The following MRC2 variants were observed in gnomAD, a reference collection of about 807,000 sequenced individuals.
The protein encoded by MRC2 is mannose receptor C-type 2, also known as C-type mannose receptor 2.
Under a neutral mutation model 206.2 loss-of-function variants are expected in MRC2, and 84 were observed. The observed-to-expected ratio is 0.41, with a 90% confidence interval of 0.34 to 0.49. The LOEUF is 0.49. Among genes scored for constraint, MRC2 ranks in the 20% least tolerant of loss-of-function variants. The pLI is 0.31. For synonymous variants in MRC2, 798 were observed against 800.0 expected, an observed-to-expected ratio of 1.00 and a Z score of 0.04; for missense variants, 1,676 against 2,001.5, an observed-to-expected ratio of 0.84 and a Z score of 3.10.
At chr17:62,679,655 G>A (rs767825382) in intron 13 of MRC2, 145 bp from the exon 14 acceptor site, 3 of 657,574 alleles carry the variant, frequency 4.6e-6, no homozygotes, top group Admixed American at 2.8e-5. Flanking sequence ...ACGCTGTATC[G>A]ATGGGTCAAT....
chr17:62,665,969 C>T, intron 2 of MRC2, 125 bp from the exon 3 acceptor site: 1 of 1,014,832 alleles, frequency 9.9e-7, no homozygotes, highest in South Asian at 1.7e-5. Context: ...ATTGCCTCTC[C>T]CACCTGCTGA....
intron 23 of MRC2, among the ~76,000 whole-genome samples, 191 bp downstream of exon 23, chr17:62,689,151 T>C (rs1180872997): frequency 1.3e-5 from 2 of 151,736 alleles, no homozygotes; most frequent in Non-Finnish European, 2.9e-5. Context: ...GGAGGAAGAT[T>C]TGGGGGTATG....
intron 1 of MRC2, among the ~76,000 whole-genome samples, chr17:62,634,479 T>G (rs947209266): frequency 6.6e-6 from 1 of 152,160 alleles, no homozygotes; most frequent in Non-Finnish European, 1.5e-5. Flanking sequence ...GTTTGTACTT[T>G]TAGTAGAGAT....
At chr17:62,655,755 A>G (rs1364956617) in intron 1 of MRC2, among the ~76,000 whole-genome samples, 1 of 151,974 alleles carries the variant, frequency 6.6e-6, no homozygotes, top group Non-Finnish European at 1.5e-5. Flanking sequence ...GAAAAGAAAA[A>G]AAGAAAGAAA....
At chr17:62,649,630 G>C (rs1185363462) in intron 1 of MRC2, among the ~76,000 whole-genome samples, 2 of 152,094 alleles carry the variant, frequency 1.3e-5, no homozygotes, top group Non-Finnish European at 2.9e-5. Context: ...CCAAACAAGT[G>C]ATCTTTGAAT....
rs1206021185 is a variant in MRC2 at position 62,664,028 on chromosome 17, C to T, written c.119-520C>T. Among the ~76,000 whole-genome samples, 9 of 145,292 alleles carry T rather than the reference C, an allele frequency of 6.2e-5. No homozygotes were observed. In the East Asian group the frequency reaches 1.0e-3, roughly 16 times the overall value. On this transcript the variant is annotated intron_variant, in intron 1 of 29. Coordinates refer to ENST00000303375, the MANE Select transcript of MRC2 (RefSeq NM_006039.5). This position sits in a 1 kb window ranked among gnomAD's most constrained non-coding sequence, Gnocchi z 4.7. ...AGGCTGGAGTGCAGTGGCGGGATCT[C>T]GGCTCACTGCAAGCTCCGCCTCCCG... is the stretch of plus-strand genomic sequence containing the variant.
intron 1 of MRC2, among the ~76,000 whole-genome samples, chr17:62,630,185 C>T (rs369936553): frequency 5.3e-5 from 8 of 152,134 alleles, no homozygotes; most frequent in Admixed American, 1.3e-4. Flanking sequence ...GAGAATGAAA[C>T]GTGGAACAGT....
At chr17:62,674,610 G>C (rs1481695191) in intron 9 of MRC2, among the ~76,000 whole-genome samples, 1 of 152,180 alleles carries the variant, frequency 6.6e-6, no homozygotes, top group Non-Finnish European at 1.5e-5. Flanking sequence ...GTCTCCCCTG[G>C]AGGAGTGAGG....
At chr17:62,660,712 A>G (rs1226148933) in intron 1 of MRC2, among the ~76,000 whole-genome samples, 1 of 152,222 alleles carries the variant, frequency 6.6e-6, no homozygotes, top group Non-Finnish European at 1.5e-5. Context: ...AAAATCCAGC[A>G]TTCTTTAGAG....
chr17:62,691,316 C>G (rs954941447), intron 28 of MRC2, among the ~76,000 whole-genome samples, 188 bp downstream of exon 28: 1 of 152,200 alleles, frequency 6.6e-6, no homozygotes, highest in Non-Finnish European at 1.5e-5. Flanking sequence ...TGAAACTTAT[C>G]ATCCAAACTA....
intron 1 of MRC2, among the ~76,000 whole-genome samples, chr17:62,632,797 C>G (rs534706105): frequency 1.2e-4 from 19 of 152,302 alleles, no homozygotes; most frequent in Non-Finnish European, 2.6e-4. Context: ...TTATCTCCTT[C>G]CCAGGGATCA....
At chr17:62,628,459 T>C (rs2084188625) in intron 1 of MRC2, among the ~76,000 whole-genome samples, 1 of 152,064 alleles carries the variant, frequency 6.6e-6, no homozygotes, top group Non-Finnish European at 1.5e-5. Flanking sequence ...CCACACTTAG[T>C]CTTCAAGGAG....
intron 22 of MRC2, 75 bp from the exon 23 acceptor site, chr17:62,688,777 A>C: frequency 6.3e-7 from 1 of 1,585,716 alleles, no homozygotes; most frequent in Non-Finnish European, 8.6e-7. Context: ...CTCTTTGCTC[A>C]CATTGCAGCC....
intron 26 of MRC2, 118 bp downstream of exon 26, chr17:62,690,423 G>T: frequency 7.1e-7 from 1 of 1,408,510 alleles, no homozygotes; most frequent in Non-Finnish European, 9.5e-7. Flanking sequence ...ACTTACACAA[G>T]ATGCCCTCGT....
intron 1 of MRC2, among the ~76,000 whole-genome samples, chr17:62,649,931 G>A (rs1341538767): frequency 1.3e-5 from 2 of 148,300 alleles, no homozygotes; most frequent in South Asian, 2.1e-4. Flanking sequence ...CAAGAGTGTC[G>A]CTCTATTGCT....
chr17:62,665,672 T>G (rs2088743259), intron 2 of MRC2, among the ~76,000 whole-genome samples: 1 of 152,094 alleles, frequency 6.6e-6, no homozygotes, highest in African/African-American at 2.4e-5. Flanking sequence ...TGGCCTCTTG[T>G]GGTGGACAGC....
intron 12 of MRC2, 84 bp from the exon 13 acceptor site, chr17:62,678,420 C>T (rs2088920189): frequency 5.2e-6 from 8 of 1,541,180 alleles, no homozygotes; most frequent in Non-Finnish European, 6.1e-6. Context: ...GGCCCCTCCT[C>T]TGCCATGGTG....
Position 62,645,539 on chromosome 17 carries a change from T to A in MRC2, c.118+17619T>A, listed in dbSNP as rs1205031691. On this transcript the variant is annotated intron_variant, in intron 1 of 29. Transcript: ENST00000303375. ...TATATATATATATATTTTTTTTTTTTTTTTTTTTTTTTGAGATGGAGTCTT... is the reference window on the plus strand; with the variant it reads ...TATATATATATATATTTTTTTTTTTATTTTTTTTTTTTGAGATGGAGTCTT... 1.0e-3 allele frequency among the ~76,000 whole-genome samples: 117 copies of A among 115,400 alleles called. 1 individual carries two copies. Among genetic ancestry groups the A allele is most frequent in the African/African-American group, 4.0e-3 (111 of 27,886 alleles). The allele number at this position is 115,400 out of a possible 152,430, so 75.7% of individuals were successfully genotyped here.
chr17:62,677,025 T>C (rs1313266565), intron 11 of MRC2, among the ~76,000 whole-genome samples: 1 of 152,256 alleles, frequency 6.6e-6, no homozygotes, highest in Non-Finnish European at 1.5e-5. Context: ...ATGAGGTAGA[T>C]GATGAAGCAG....
Sources: allele counts gnomAD v4.1 joint callset (sites outside exome capture counted in the v4.1 genomes callset), GRCh38; gene constraint gnomAD v4.1.1; non-coding constraint Gnocchi (gnomAD v3.1); transcripts MANE v1.5; gene names NCBI Gene and HGNC (gene_info 2026-07-23, HGNC 2026-07-21).